THRB: variants seen among roughly 807,000 people sequenced by gnomAD.
THRB encodes the protein nuclear receptor subfamily 1 group A member 2.
THRB carries 12 observed loss-of-function variants against 47.8 expected under a neutral mutation model. The observed-to-expected ratio is 0.25, with a 90% CI of 0.16 to 0.41. The LOEUF is 0.41. THRB is among the 10% of genes least tolerant of loss of function. The pLI, the probability that THRB is intolerant of heterozygous loss-of-function variation, is 1.00. For synonymous variants in THRB, 218 were observed against 212.2 expected (o/e 1.03, Z -0.24); for missense variants, 348 against 589.2 (o/e 0.59, Z 4.24).
chr3:24,138,751 T>C lies in THRB; in HGVS notation c.738+4750A>G, dbSNP rs555613423. 4.6e-5 allele frequency among the ~76,000 whole-genome samples: 7 copies of C among 152,324 alleles called. No individual in the cohort carries two copies. The East Asian group carries it at 1.3e-3, about 29-fold the overall frequency. On this transcript the variant is annotated intron_variant, in intron 8 of 10. Coordinates refer to ENST00000646209, the MANE Select transcript of THRB (RefSeq NM_001354712.2). Reference sequence around the variant, plus strand: ...AAATATGGCCTCATCACTCACCCTGTCTGACCCTTCTGCTTATGCCCCTTG... The same window carrying C: ...AAATATGGCCTCATCACTCACCCTGCCTGACCCTTCTGCTTATGCCCCTTG...
intron 2 of THRB, among the ~76,000 whole-genome samples, chr3:24,323,789 C>A (rs2058640954): frequency 6.6e-6 from 1 of 152,174 alleles, no homozygotes; most frequent in African/African-American, 2.4e-5. Context: ...GGGAGTCAAT[C>A]CCCAAATCAT....
chr3:24,382,524 C>T (rs1468546672), intron 1 of THRB, among the ~76,000 whole-genome samples: 5 of 148,816 alleles, frequency 3.4e-5, no homozygotes, highest in African/African-American at 1.2e-4. Context: ...AGGATTATAG[C>T]ACATTTGTAC....
chr3:24,424,567 G>A (rs2069574604), intron 1 of THRB, among the ~76,000 whole-genome samples: 1 of 151,890 alleles, frequency 6.6e-6, no homozygotes, highest in Admixed American at 6.6e-5. Flanking sequence ...CCTGCCACAG[G>A]CTACAGTTTG....
intron 3 of THRB, among the ~76,000 whole-genome samples, chr3:24,285,364 T>A (rs1364344568): frequency 6.9e-6 from 1 of 144,948 alleles, no homozygotes; most frequent in African/African-American, 2.6e-5. Flanking sequence ...TTCTCACTCA[T>A]AGGTGGGAAT....
chr3:24,175,917 A>G (rs1441034505), intron 5 of THRB, among the ~76,000 whole-genome samples: 3 of 152,122 alleles, frequency 2.0e-5, no homozygotes, highest in African/African-American at 4.8e-5. Context: ...TAGTATTGAA[A>G]TTTAGGCCCT....
chr3:24,139,129 T>C (rs1348429169), intron 8 of THRB, among the ~76,000 whole-genome samples: 3 of 152,154 alleles, frequency 2.0e-5, no homozygotes, highest in East Asian at 1.9e-4. Flanking sequence ...ACATGAATTG[T>C]TGGTGGTGAA....
At chr3:24,290,810 G>C (rs1045825128) in intron 3 of THRB, among the ~76,000 whole-genome samples, 1 of 152,152 alleles carries the variant, frequency 6.6e-6, no homozygotes, top group Non-Finnish European at 1.5e-5. Context: ...AGCCCTAGAA[G>C]CTAATATTTT....
At chr3:24,390,795 A>ATATATAT (rs60435781) in intron 1 of THRB, among the ~76,000 whole-genome samples, 15 of 59,158 alleles carry the variant, frequency 2.5e-4, no homozygotes, top group Admixed American at 1.5e-3. Context: ...AAAAAAAAAA[A>ATATATAT]AAATATATAT....
chr3:24,203,685 G>A (rs1465043372), intron 4 of THRB, among the ~76,000 whole-genome samples: 1 of 152,206 alleles, frequency 6.6e-6, no homozygotes, highest in African/African-American at 2.4e-5. Flanking sequence ...AGCCCACTGA[G>A]TGTGAGCCGA....
intron 3 of THRB, among the ~76,000 whole-genome samples, chr3:24,254,305 G>A (rs2051009039): frequency 6.8e-6 from 1 of 147,760 alleles, no homozygotes; most frequent in African/African-American, 2.5e-5. Context: ...TGAGGCAGGA[G>A]AATGGTGTGA....
intron 1 of THRB, among the ~76,000 whole-genome samples, chr3:24,414,016 A>G (rs1255313448): frequency 6.6e-6 from 1 of 151,864 alleles, no homozygotes; most frequent in East Asian, 2.0e-4. Context: ...TAAAAATTGG[A>G]CCTCCATAGT....
intron 1 of THRB, among the ~76,000 whole-genome samples, chr3:24,479,730 C>T (rs1170401676): frequency 6.6e-6 from 1 of 152,136 alleles, no homozygotes; most frequent in South Asian, 2.1e-4. Flanking sequence ...GCCAACAATC[C>T]TCAGGTGGAA....
intron 4 of THRB, among the ~76,000 whole-genome samples, chr3:24,223,922 C>A (rs1362460740): frequency 6.6e-6 from 1 of 151,738 alleles, no homozygotes; most frequent in African/African-American, 2.4e-5. Context: ...AATTTATAAT[C>A]AATAAGAAAA....
chr3:24,410,268 T>C (rs1268373435), intron 1 of THRB, among the ~76,000 whole-genome samples: 1 of 151,794 alleles, frequency 6.6e-6, no homozygotes, highest in Non-Finnish European at 1.5e-5. Flanking sequence ...CAGGGGTAAA[T>C]AGAAAGAAGC....
chr3:24,234,226 T>C lies in THRB; in HGVS notation c.-42-5225A>G, dbSNP rs1377957829. On this transcript the variant is annotated intron_variant, in intron 3 of 10. Coordinates refer to ENST00000646209, the MANE Select transcript of THRB (RefSeq NM_001354712.2). Reference sequence around the variant, plus strand: ...ATCACTTGCCCCTCCCCTTGAAAAATGGGTAAGCCATTTGGTATATATTTT... The same window carrying C: ...ATCACTTGCCCCTCCCCTTGAAAAACGGGTAAGCCATTTGGTATATATTTT... Among the ~76,000 whole-genome samples the C allele has an allele frequency of 3.3e-5, 5 of 152,178 alleles. 1 individual carries two copies. Among genetic ancestry groups the C allele is most frequent in the Middle Eastern group, 6.8e-3 (2 of 294 alleles).
rs1012139811 is a variant in THRB at position 24,117,247 on chromosome 3, G to C, written c.*5637C>G. 2.6e-5 allele frequency: 4 copies of C among 152,254 alleles called. No individual in the cohort carries two copies. Among genetic ancestry groups the C allele is most frequent in the African/African-American group, 9.6e-5 (4 of 41,466 alleles). The allele number at this position is 152,254 out of a possible 1,614,324, so 9.4% of individuals were successfully genotyped here. A position where few individuals can be genotyped will look rare whatever the true frequency, so the allele number is the denominator to read the frequency against. ...GTGAAGGAGAACCGCTTGCTGTACT[G>C]AAATGGGATGTTGTTTTAGATTTAC... is the stretch of plus-strand genomic sequence containing the variant. On this transcript the variant is annotated 3_prime_UTR_variant, in exon 11 of 11. Transcript: ENST00000646209.
chr3:24,336,092 T>C (rs1161448653), intron 2 of THRB, among the ~76,000 whole-genome samples: 1 of 152,248 alleles, frequency 6.6e-6, no homozygotes, highest in African/African-American at 2.4e-5. Flanking sequence ...ACCATAGGTC[T>C]TGAAGATTCT....
chr3:24,140,590 T>G (rs894623039), intron 8 of THRB, among the ~76,000 whole-genome samples: 1 of 152,168 alleles, frequency 6.6e-6, no homozygotes, highest in Admixed American at 6.5e-5. Flanking sequence ...TATTTTTTAA[T>G]ATATAGTCAA....
chr3:24,468,075 T>C (rs1275693661), intron 1 of THRB, among the ~76,000 whole-genome samples: 1 of 152,224 alleles, frequency 6.6e-6, no homozygotes, highest in African/African-American at 2.4e-5. Context: ...TGGTGCTTCA[T>C]CTTGTACTTT....
Sources: allele counts gnomAD v4.1 joint callset (sites outside exome capture counted in the v4.1 genomes callset), GRCh38; gene constraint gnomAD v4.1.1; transcripts MANE v1.5; gene names NCBI Gene and HGNC (gene_info 2026-07-23, HGNC 2026-07-21).